The following GFRA1 variants were observed in gnomAD, a reference collection of about 807,000 sequenced individuals.
GFRA1 encodes GDNF family receptor alpha 1.
Under a neutral mutation model 51.6 loss-of-function variants are expected in GFRA1, and 16 were observed. The ratio of observed to expected loss-of-function variants is 0.31; its 90% confidence interval spans 0.21 to 0.47. The LOEUF is 0.47. Among genes scored for constraint, GFRA1 ranks in the 20% least tolerant of loss-of-function variants. The pLI is 1.00. For synonymous variants in GFRA1, 270 were observed against 241.3 expected (o/e 1.12, Z -1.10); for missense variants, 530 against 594.3 (o/e 0.89, Z 1.13).
chr10:116,146,116 A>G (rs1958790538), intron 5 of GFRA1, among the ~76,000 whole-genome samples: 1 of 152,096 alleles, frequency 6.6e-6, no homozygotes, highest in African/African-American at 2.4e-5. Context: ...ATATATGATA[A>G]TTTTATCTTT....
rs550432453 is a variant in GFRA1 at position 116,067,507 on chromosome 10, T to C, written c.1198-1881A>G. Among the ~76,000 whole-genome samples, 5 of 152,316 alleles carry C rather than the reference T, an allele frequency of 3.3e-5. No homozygotes were observed. In the East Asian group the frequency reaches 9.6e-4, roughly 29 times the overall value. On this transcript the variant is annotated intron_variant, in intron 9 of 10. Transcript: ENST00000355422. ...CCTGAGTGTCCTAGACCACAGTAGCTTCTAAGAGTTCCAAGGGCTGGGAAG... is the reference window on the plus strand; with the variant it reads ...CCTGAGTGTCCTAGACCACAGTAGCCTCTAAGAGTTCCAAGGGCTGGGAAG...
Position 116,272,024 on chromosome 10 carries a change from G to A in GFRA1, c.6C>T (p.Phe2=), listed in dbSNP as rs775065355. 1.9e-6 allele frequency: 3 copies of A among 1,557,458 alleles called. No homozygotes were observed. Among genetic ancestry groups the A allele is most frequent in the South Asian group, 1.2e-5 (1 of 84,460 alleles). Residue 2 remains phenylalanine (F), a synonymous_variant, in exon 2 of 11, where the codon TTC becomes TTT. Coordinates refer to ENST00000355422, the MANE Select transcript of GFRA1 (RefSeq NM_005264.8). The surrounding 1 kb of genome is among the most constrained non-coding windows in gnomAD (Gnocchi z 4.4). M[F]LATLYFALPL... is the part of the protein sequence containing the mutation. ...GCAGCGCGAAGTACAGGGTCGCCAGGAACATGGTGCCGGCGCGGGGCTGGT... is the reference window on the plus strand; with the variant it reads ...GCAGCGCGAAGTACAGGGTCGCCAGAAACATGGTGCCGGCGCGGGGCTGGT...
At chr10:116,124,125 G>C (rs547323164) in intron 6 of GFRA1, among the ~76,000 whole-genome samples, 11 of 151,790 alleles carry the variant, frequency 7.2e-5, no homozygotes, top group African/African-American at 2.4e-4. Context: ...GGCAGGTCTC[G>C]AACTCCCGAC....
In GFRA1 at chr10:116,064,425, G is replaced by A. The variant is rs1376344887; in HGVS notation, c.1371C>T (p.Thr457=). 1 of 1,612,128 alleles carries A rather than the reference G, an allele frequency of 6.2e-7. No homozygotes were observed. Among genetic ancestry groups the A allele is most frequent in the African/African-American group, 1.3e-5 (1 of 74,604 alleles). The part of the protein sequence containing the change: ...LLVLVVTALS[T]LLSLTETS The stretch of plus-strand genomic sequence containing the variant: ...ATGATGTTTCTGTTAAAGATAATAG[G>A]GTGGACAGAGCGGTTACCACCAGGA... The change falls in exon 11 of 11, where the codon ACC becomes ACT. Residue 457 remains threonine, a synonymous_variant. Coordinates refer to ENST00000355422, the MANE Select transcript of GFRA1 (RefSeq NM_005264.8).
intron 9 of GFRA1, among the ~76,000 whole-genome samples, chr10:116,066,800 G>C (rs1955134878): frequency 6.6e-6 from 1 of 152,158 alleles, no homozygotes; most frequent in East Asian, 1.9e-4. Context: ...CAGACAGAGA[G>C]CTTATTTGTC....
At chr10:116,077,818 C>T (rs1392075184) in intron 9 of GFRA1, among the ~76,000 whole-genome samples, 1 of 152,198 alleles carries the variant, frequency 6.6e-6, no homozygotes, top group Non-Finnish European at 1.5e-5. Flanking sequence ...GACAGCTTGT[C>T]CTCCATGGCA....
At chr10:116,206,940 C>T (rs1024649698) in intron 5 of GFRA1, among the ~76,000 whole-genome samples, 11 of 152,152 alleles carry the variant, frequency 7.2e-5, no homozygotes, top group Admixed American at 2.0e-4. Flanking sequence ...CCTGAAACCA[C>T]ATTCTTTTAA....
intron 4 of GFRA1, among the ~76,000 whole-genome samples, chr10:116,268,944 T>C (rs1049165778): frequency 6.6e-6 from 1 of 151,984 alleles, no homozygotes; most frequent in African/African-American, 2.4e-5. Flanking sequence ...GGGGCAGGAG[T>C]ACATTCTCTC....
At chr10:116,099,631 A>G (rs1016579454) in intron 6 of GFRA1, among the ~76,000 whole-genome samples, 2 of 152,214 alleles carry the variant, frequency 1.3e-5, no homozygotes, top group African/African-American at 4.8e-5. Context: ...TTATGCATGC[A>G]AATGGTCACA....
At chr10:116,230,681 C>T (rs917351064) in intron 4 of GFRA1, among the ~76,000 whole-genome samples, 1 of 151,400 alleles carries the variant, frequency 6.6e-6, no homozygotes, top group African/African-American at 2.4e-5. Flanking sequence ...GGCCAGTGCC[C>T]CCTTCTATTA....
At chr10:116,123,196 C>G (rs188867558) in intron 6 of GFRA1, among the ~76,000 whole-genome samples, 1 of 152,226 alleles carries the variant, frequency 6.6e-6, no homozygotes, top group Non-Finnish European at 1.5e-5. Context: ...GAGGCTCTGC[C>G]TCTTTCTCAG....
intron 5 of GFRA1, among the ~76,000 whole-genome samples, chr10:116,206,526 G>T (rs533906651): frequency 3.3e-5 from 5 of 151,734 alleles, no homozygotes; most frequent in Admixed American, 1.3e-4. Context: ...TAAAAGCAAT[G>T]CCATCCATTG....
chr10:116,146,356 C>T (rs1191334639), intron 5 of GFRA1, among the ~76,000 whole-genome samples: 2 of 152,150 alleles, frequency 1.3e-5, no homozygotes, highest in African/African-American at 4.8e-5. Flanking sequence ...GATAGGAGAA[C>T]CATATTAGTT....
At chr10:116,134,989 C>A (rs1287215712) in intron 5 of GFRA1, among the ~76,000 whole-genome samples, 1 of 152,132 alleles carries the variant, frequency 6.6e-6, no homozygotes, top group Non-Finnish European at 1.5e-5. Flanking sequence ...ACCTTTCCAA[C>A]CTCCTCCACC....
At chr10:116,071,857 A>G (rs1565553435) in intron 9 of GFRA1, among the ~76,000 whole-genome samples, 2 of 149,342 alleles carry the variant, frequency 1.3e-5, no homozygotes, top group Non-Finnish European at 3.0e-5. Context: ...TCTTTATTCT[A>G]TTTTTTTTTT....
At chr10:116,235,253 C>T (rs1966853870) in intron 4 of GFRA1, among the ~76,000 whole-genome samples, 1 of 152,258 alleles carries the variant, frequency 6.6e-6, no homozygotes, top group South Asian at 2.1e-4. Flanking sequence ...GCTGAAATGG[C>T]CACTGTGGCT....
intron 9 of GFRA1, among the ~76,000 whole-genome samples, chr10:116,079,415 C>T (rs1440343607): frequency 6.6e-6 from 1 of 152,066 alleles, no homozygotes; most frequent in Non-Finnish European, 1.5e-5. Flanking sequence ...ACTTATATCT[C>T]CCTATGCTCC....
chr10:116,096,714 A>G lies in GFRA1; in HGVS notation c.821T>C (p.Val274Ala), dbSNP rs764045900. 6.2e-7 allele frequency: 1 copy of G among 1,613,332 alleles called. No homozygotes were observed. Among genetic ancestry groups the G allele is most frequent in the East Asian group, 2.2e-5 (1 of 44,866 alleles). Residue 274 changes from valine (V) to alanine (A), a missense_variant, in exon 7 of 11, where the codon GTC becomes GCC. Coordinates refer to ENST00000355422, the MANE Select transcript of GFRA1 (RefSeq NM_005264.8). ...FTNCQPESRS[V>A]SSCLKENYAD... ...GTAGTTTTCCTTTAGACAGCTGCTG[A>G]CAGACCTTGACTCTGGCTGGCAGTT...
intron 5 of GFRA1, among the ~76,000 whole-genome samples, chr10:116,194,917 T>C (rs1963602593): frequency 6.6e-6 from 1 of 152,208 alleles, no homozygotes; most frequent in South Asian, 2.1e-4. Flanking sequence ...GACATTTCCC[T>C]GGCATTTTCT....
Sources: gnomAD v4.1 joint callset for allele counts (sites outside exome capture counted in the v4.1 genomes callset) on GRCh38, gnomAD v4.1.1 for gene constraint, Gnocchi (gnomAD v3.1) non-coding constraint, MANE v1.5 for transcripts, NCBI Gene and HGNC (gene_info 2026-07-23, HGNC 2026-07-21) for gene names.